Variants in RBL2 observed in about 807,000 individuals in gnomAD.
RBL2 encodes retinoblastoma-like protein 2.
A neutral mutation model predicts 126.0 loss-of-function variants in RBL2; 56 were observed. That is an observed-to-expected ratio of 0.44 (90% CI 0.36 to 0.56). The LOEUF is 0.56. RBL2 is among the 20% of genes least tolerant of loss of function. The pLI, the probability that RBL2 is intolerant of heterozygous loss-of-function variation, is 0.00. For missense variants in RBL2, 1,229 were observed against 1,398.2 expected, an observed-to-expected ratio of 0.88 and a Z score of 1.93; for synonymous variants, 454 against 478.5, an observed-to-expected ratio of 0.95 and a Z score of 0.67.
intron 1 of RBL2, among the ~76,000 whole-genome samples, 160 bp from the exon 2 acceptor site, chr16:53,438,827 GAGCAAGATTCCATCTCAAAAAAAAAAAAA>G (rs2057983591): frequency 2.1e-5 from 2 of 94,840 alleles, no homozygotes; most frequent in Non-Finnish European, 3.7e-5. Flanking sequence ...CTGGGTGACA[GAGCAAGATTCCATCTCAAAAAAAAAAAAA>G]AAAAAAAAAA....
chr16:53,476,804 T>A (rs1446388415), intron 17 of RBL2, among the ~76,000 whole-genome samples: 1 of 152,214 alleles, frequency 6.6e-6, no homozygotes, highest in African/African-American at 2.4e-5. Flanking sequence ...CCAGCTTTCT[T>A]ATGGTTGCTG....
intron 17 of RBL2, among the ~76,000 whole-genome samples, chr16:53,476,407 A>G (rs1428465360): frequency 6.6e-6 from 1 of 152,202 alleles, no homozygotes; most frequent in African/African-American, 2.4e-5. Context: ...AGCCTAGCAT[A>G]TATGCTCTAT....
intron 3 of RBL2, among the ~76,000 whole-genome samples, chr16:53,446,205 A>G (rs769427283): frequency 2.0e-5 from 3 of 152,230 alleles, no homozygotes; most frequent in East Asian, 1.9e-4. Flanking sequence ...TCATGCGCCT[A>G]TGGTAGAGAG....
intron 14 of RBL2, among the ~76,000 whole-genome samples, chr16:53,467,529 A>G (rs1429399383): frequency 6.6e-6 from 1 of 152,172 alleles, no homozygotes; most frequent in African/African-American, 2.4e-5. Flanking sequence ...CTGGGACTAC[A>G]GGCATGCGCC....
intron 1 of RBL2, among the ~76,000 whole-genome samples, chr16:53,437,208 G>A (rs1820582468): frequency 6.6e-6 from 1 of 151,806 alleles, no homozygotes. Context: ...ATATAGTAGA[G>A]AAATGCAGTA....
chr16:53,456,321 G>A (rs1238128331), intron 8 of RBL2, among the ~76,000 whole-genome samples: 1 of 152,206 alleles, frequency 6.6e-6, no homozygotes, highest in East Asian at 1.9e-4. Flanking sequence ...GTTATTAAGA[G>A]GAGTGACTGA....
At chr16:53,456,589 A>G (rs2058169663) in intron 8 of RBL2, among the ~76,000 whole-genome samples, 1 of 152,194 alleles carries the variant, frequency 6.6e-6, no homozygotes. Context: ...AAGTGCCTGT[A>G]ATGTTGTAAG....
chr16:53,455,287 C>T (rs2058156558), intron 8 of RBL2, among the ~76,000 whole-genome samples: 1 of 152,162 alleles, frequency 6.6e-6, no homozygotes, highest in African/African-American at 2.4e-5. Flanking sequence ...CAAACAGACA[C>T]TTAGAGTGAT....
chr16:53,453,697 C>G lies in RBL2; in HGVS notation c.928-8C>G. 6.2e-7 allele frequency: 1 copy of G among 1,607,194 alleles called. No homozygotes were observed. Among genetic ancestry groups the G allele is most frequent in the Non-Finnish European group, 8.5e-7 (1 of 1,177,438 alleles). On this transcript the variant is annotated splice_polypyrimidine_tract_variant and splice_region_variant and intron_variant, in intron 6 of 21. Coordinates refer to ENST00000262133, the MANE Select transcript of RBL2 (RefSeq NM_005611.4). ...ATGACGACTTAAGGATCTCTTCTTTCATCATAGCTCCTTAAGGGAAAAGAA... is the reference window on the plus strand; with the variant it reads ...ATGACGACTTAAGGATCTCTTCTTTGATCATAGCTCCTTAAGGGAAAAGAA...
rs538897441 is a variant in RBL2, at chr16:53,450,491, T to A, written c.638-1212T>A. On this transcript the variant is annotated intron_variant, in intron 4 of 21. Coordinates refer to ENST00000262133, the MANE Select transcript of RBL2 (RefSeq NM_005611.4). ...ATGTAAAATCACCATGAAGCATACA[T>A]GTGCAGTGTTTAACTAAAAAAGGAT... is the stretch of plus-strand genomic sequence containing the variant. 3.0e-4 allele frequency among the ~76,000 whole-genome samples: 45 copies of A among 152,336 alleles called. 1 individual carries two copies. In the South Asian group the frequency reaches 9.3e-3, roughly 32 times the overall value.
chr16:53,447,637 G>GTATTTATT (rs770577025), intron 4 of RBL2, among the ~76,000 whole-genome samples: 1 of 151,234 alleles, frequency 6.6e-6, no homozygotes, highest in African/African-American at 2.4e-5. Context: ...TGTCCTTTTT[G>GTATTTATT]TATTTATTTA....
At chr16:53,461,628 GT>G in intron 9 of RBL2, 112 bp from the exon 10 acceptor site, 1 of 660,338 alleles carries the variant, frequency 1.5e-6, no homozygotes, top group Non-Finnish European at 2.4e-6. Context: ...GAAGTGTATA[GT>G]TTCTGTTCAG....
rs943245933 is a variant in RBL2 at position 53,480,894 on chromosome 16, C to T, written c.3084+125C>T. 10 of 919,864 alleles carry T rather than the reference C, an allele frequency of 1.1e-5. No individual in the cohort carries two copies. In the Admixed American group the frequency reaches 1.2e-4, roughly 11 times the overall value. The allele number at this position is 919,864 out of a possible 1,614,324, so 57.0% of individuals were successfully genotyped here. ...CTAGTTTTGGCCAGGTGTGGTGGCT[C>T]ACACCTGTAATCCCAGCACTTTGGG... On this transcript the variant is annotated intron_variant, in intron 20 of 21. Transcript: ENST00000262133.
intron 21 of RBL2, among the ~76,000 whole-genome samples, chr16:53,485,560 C>T (rs1214760855): frequency 1.3e-5 from 2 of 152,078 alleles, no homozygotes; most frequent in African/African-American, 2.4e-5. Flanking sequence ...AACAAAAGCT[C>T]GGTTTTTTTG....
At chr16:53,463,292 C>T (rs1393964292) in intron 11 of RBL2, among the ~76,000 whole-genome samples, 2 of 152,164 alleles carry the variant, frequency 1.3e-5, no homozygotes, top group African/African-American at 2.4e-5. Context: ...GGTACATGGT[C>T]ATCTAGCCAG....
chr16:53,474,301 T>TTTTTG, intron 17 of RBL2, among the ~76,000 whole-genome samples: 1 of 149,926 alleles, frequency 6.7e-6, no homozygotes, highest in African/African-American at 2.5e-5. Context: ...GCTGTAATTC[T>TTTTTG]TTTATTTATT....
At chr16:53,462,091 G>GT (rs1233522978) in intron 10 of RBL2, among the ~76,000 whole-genome samples, 13 of 151,872 alleles carry the variant, frequency 8.6e-5, no homozygotes, top group Admixed American at 1.3e-4. Flanking sequence ...AAATCTTTAG[G>GT]TTTTTTTTGT....
At chr16:53,485,873 A>G (rs1433244183) in intron 21 of RBL2, among the ~76,000 whole-genome samples, 3 of 152,006 alleles carry the variant, frequency 2.0e-5, no homozygotes, top group Non-Finnish European at 2.9e-5. Flanking sequence ...AAAAACAAAA[A>G]CAAAAAACCA....
chr16:53,488,169 G>A (rs1961249383), intron 21 of RBL2: 1 of 152,232 alleles, frequency 6.6e-6, no homozygotes, highest in Non-Finnish European at 1.5e-5. Flanking sequence ...CCTTCAGCTG[G>A]TGAATGCATA....
Sources: allele counts gnomAD v4.1 joint callset (sites outside exome capture counted in the v4.1 genomes callset), GRCh38; gene constraint gnomAD v4.1.1; transcripts MANE v1.5; gene names NCBI Gene and HGNC (gene_info 2026-07-23, HGNC 2026-07-21).